Variants in TTC8 observed in about 807,000 individuals in gnomAD.
TTC8 encodes the protein tetratricopeptide repeat domain 8, also known as tetratricopeptide repeat protein 8.
Under a neutral mutation model 72.5 loss-of-function variants are expected in TTC8, and 47 were observed. That is an observed-to-expected ratio of 0.65 (90% confidence interval 0.51 to 0.83). The LOEUF is 0.83. TTC8 is among the 40% of genes least tolerant of loss of function. TTC8 has a pLI of 0.00. For missense variants in TTC8, 611 were observed against 623.2 expected (o/e 0.98, Z 0.21); for synonymous variants, 199 against 221.4 (o/e 0.90, Z 0.90).
chr14:88,847,534 G>A lies in TTC8; in HGVS notation c.624+3684G>A, dbSNP rs147882437. Among the ~76,000 whole-genome samples the A allele has an allele frequency of 1.9e-4, 29 of 152,182 alleles. No homozygotes were observed. In the East Asian group the frequency reaches 4.6e-3, roughly 24 times the overall value. ...AAACCAAGCAATATTGAACAAAATC[G>A]TTGACTCTTTTATCTTTATGATTCA... On this transcript the variant is annotated intron_variant, in intron 7 of 14. Coordinates refer to ENST00000380656, the MANE Select transcript of TTC8 (RefSeq NM_144596.4).
intron 6 of TTC8, among the ~76,000 whole-genome samples, chr14:88,842,166 A>G (rs1229723834): frequency 6.6e-6 from 1 of 152,192 alleles, no homozygotes. Context: ...TGAGCTTGCA[A>G]TAATTCAGAG....
chr14:88,837,031 A>G, intron 2 of TTC8: 1 of 273,290 alleles, frequency 3.7e-6, no homozygotes, highest in Non-Finnish European at 7.3e-6. Context: ...ATTGTACTCC[A>G]GCTTGGGCAA....
At position 88,824,797 on chromosome 14, in the gene TTC8, G is replaced by A. The variant is rs2094690910; in HGVS notation, c.90G>A (p.Met30Ile). ...FQLCADLCTQMLEKSPYDQEP... is the reference protein window; with the variant it reads ...FQLCADLCTQILEKSPYDQEP... ...TCTGCGCCGATCTATGCACGCAGAT[G>A]CTGGAGAAGTCCCCTTATGACCAGG... Residue 30 changes from methionine (M) to isoleucine (I), a missense_variant, in exon 1 of 15, where the codon ATG becomes ATA. Coordinates refer to ENST00000380656, the MANE Select transcript of TTC8 (RefSeq NM_144596.4). 6.2e-7 allele frequency: 1 copy of A among 1,613,470 alleles called. No homozygotes were observed.
At chr14:88,876,135 G>T (rs1187215349) in intron 14 of TTC8, among the ~76,000 whole-genome samples, 1 of 152,188 alleles carries the variant, frequency 6.6e-6, no homozygotes, top group Non-Finnish European at 1.5e-5. Flanking sequence ...TCCCAGTGAT[G>T]TCCATGTGTT....
chr14:88,847,305 T>G (rs1283980493), intron 7 of TTC8, among the ~76,000 whole-genome samples: 4 of 152,054 alleles, frequency 2.6e-5, no homozygotes, highest in Non-Finnish European at 5.9e-5. Flanking sequence ...AAACCAGAGC[T>G]CCCTATAGCA....
intron 8 of TTC8, among the ~76,000 whole-genome samples, chr14:88,853,291 C>T (rs1338578054): frequency 1.3e-5 from 2 of 152,154 alleles, no homozygotes; most frequent in African/African-American, 4.8e-5. Flanking sequence ...GCCCAACTCC[C>T]CTTTTCACAT....
At chr14:88,849,068 C>T (rs984376082) in intron 7 of TTC8, among the ~76,000 whole-genome samples, 2 of 152,094 alleles carry the variant, frequency 1.3e-5, no homozygotes, top group Non-Finnish European at 2.9e-5. Context: ...TAGTGAGAAA[C>T]ACAAATTGTT....
In TTC8 at chr14:88,877,813, T is replaced by G. The variant is rs1426434939; in HGVS notation, c.*403T>G. The G allele has an allele frequency of 2.5e-5, 4 of 158,476 alleles. No individual in the cohort carries two copies. The highest frequency in any genetic ancestry group is 1.9e-4 in the Admixed American group (3 of 16,078). 9.8% of individuals were successfully genotyped at this position (158,476 alleles called of 1,614,324 possible). A position where few individuals can be genotyped will look rare whatever the true frequency, so the allele number is the denominator to read the frequency against. On this transcript the variant is annotated 3_prime_UTR_variant, in exon 15 of 15. Coordinates refer to ENST00000380656, the MANE Select transcript of TTC8 (RefSeq NM_144596.4). ...TGAAATCTGCCATTAAAACTGCACC[T>G]TTAAGCCAGGTGTGGTAGCATGTGC... is the stretch of plus-strand genomic sequence containing the variant.
chr14:88,880,076 A>G (rs1474274146), downstream of TTC8: 4 of 152,174 alleles, frequency 2.6e-5, no homozygotes, highest in African/African-American at 4.8e-5. Context: ...CAGAAAACAA[A>G]TATTTTAGAA....
chr14:88,842,482 A>G (rs565609719), intron 6 of TTC8, among the ~76,000 whole-genome samples: 1 of 152,290 alleles, frequency 6.6e-6, no homozygotes, highest in East Asian at 1.9e-4. Context: ...AAAATTGTAA[A>G]GCTATCCTTA....
chr14:88,850,158 A>G (rs1349975716), intron 7 of TTC8, among the ~76,000 whole-genome samples: 1 of 152,242 alleles, frequency 6.6e-6, no homozygotes, highest in Non-Finnish European at 1.5e-5. Context: ...AGAAATATAG[A>G]TCTGTCACTA....
In TTC8 at chr14:88,824,816, G is replaced by A; in HGVS notation, c.109G>A (p.Asp37Asn). 1 of 1,612,646 alleles carries A rather than the reference G, an allele frequency of 6.2e-7. No homozygotes were observed. Among genetic ancestry groups the A allele is most frequent in the South Asian group, 1.1e-5 (1 of 90,736 alleles). ...GCAGATGCTGGAGAAGTCCCCTTAT[G>A]ACCAGGTACCGGCCAGCTCCCGTCA... is the stretch of plus-strand genomic sequence containing the variant. ...CTQMLEKSPY[D>N]QEPDPELPVH... is the part of the protein sequence containing the mutation. The change falls in exon 1 of 15, where the codon GAC becomes AAC. Residue 37 changes from aspartate (D) to asparagine (N), a missense_variant. Transcript: ENST00000380656.
chr14:88,843,774 C>CT (rs780594621), intron 6 of TTC8, 32 bp from the exon 7 acceptor site: 8 of 1,540,588 alleles, frequency 5.2e-6, no homozygotes, highest in Non-Finnish European at 7.1e-6. Context: ...AAAAAAAAAT[C>CT]TAACGTATTT....
chr14:88,859,775 T>C (rs1726503582), intron 9 of TTC8, among the ~76,000 whole-genome samples: 1 of 132,820 alleles, frequency 7.5e-6, no homozygotes, highest in South Asian at 2.4e-4. Flanking sequence ...TATATACATA[T>C]GAAATTCAAT....
chr14:88,874,464 C>T (rs1171387671), intron 13 of TTC8, among the ~76,000 whole-genome samples: 1 of 152,080 alleles, frequency 6.6e-6, no homozygotes, highest in East Asian at 1.9e-4. Flanking sequence ...TTTTGAGTAT[C>T]TTAGATAACA....
At chr14:88,847,893 T>A (rs1410251026) in intron 7 of TTC8, among the ~76,000 whole-genome samples, 1 of 151,782 alleles carries the variant, frequency 6.6e-6, no homozygotes, top group Non-Finnish European at 1.5e-5. Context: ...GAGGCCAAGG[T>A]GGGTGGATCA....
intron 6 of TTC8, among the ~76,000 whole-genome samples, chr14:88,843,104 G>A (rs568709605): frequency 2.0e-5 from 3 of 152,308 alleles, no homozygotes; most frequent in Admixed American, 6.5e-5. Flanking sequence ...GTACCAATAA[G>A]AGTAAATGCT....
chr14:88,866,970 C>T (rs1347132665), intron 10 of TTC8, among the ~76,000 whole-genome samples: 2 of 152,126 alleles, frequency 1.3e-5, no homozygotes, highest in Non-Finnish European at 2.9e-5. Flanking sequence ...AAATGCCTAA[C>T]CTCTGTCATA....
At chr14:88,846,326 CA>C (rs540282584) in intron 7 of TTC8, among the ~76,000 whole-genome samples, 3 of 148,334 alleles carry the variant, frequency 2.0e-5, no homozygotes, top group East Asian at 3.9e-4. Context: ...AACTCTGTCT[CA>C]AAAAAAAAGA....
Sources: allele counts gnomAD v4.1 joint callset (sites outside exome capture counted in the v4.1 genomes callset), GRCh38; gene constraint gnomAD v4.1.1; transcripts MANE v1.5; gene names NCBI Gene and HGNC (gene_info 2026-07-23, HGNC 2026-07-21).